Variants in PRKG1 observed in about 807,000 individuals in gnomAD.
The protein encoded by PRKG1 is protein kinase cGMP-dependent 1.
PRKG1 carries 35 observed loss-of-function variants against 88.1 expected under a neutral mutation model. The ratio of observed to expected loss-of-function variants is 0.40; its 90% CI spans 0.30 to 0.53. The LOEUF (loss-of-function observed/expected upper bound fraction) is 0.53. Ranked by LOEUF, PRKG1 falls within the 20% of genes least tolerant of loss-of-function variation. The probability of loss-of-function intolerance (pLI) is 0.59; values close to 1 mark genes in which losing one functional copy is unlikely to be tolerated. For missense variants in PRKG1, 540 were observed against 839.8 expected (o/e 0.64, Z 4.41); for synonymous variants, 303 against 292.5 (o/e 1.04, Z -0.37).
At chr10:51,839,346 C>T (rs2132771205) in intron 4 of PRKG1, among the ~76,000 whole-genome samples, 1 of 152,210 alleles carries the variant, frequency 6.6e-6, no homozygotes, top group East Asian at 1.9e-4. Flanking sequence ...GCGTAGAAGC[C>T]AACAAATAAA....
intron 3 of PRKG1, among the ~76,000 whole-genome samples, chr10:51,744,567 A>G (rs1399754358): frequency 1.3e-5 from 2 of 152,172 alleles, no homozygotes; most frequent in Non-Finnish European, 2.9e-5. Flanking sequence ...GAATAGTGAT[A>G]GTTTTTTATG....
At chr10:52,041,023 G>C (rs922533796) in intron 5 of PRKG1, among the ~76,000 whole-genome samples, 2 of 151,622 alleles carry the variant, frequency 1.3e-5, no homozygotes, top group African/African-American at 4.8e-5. Context: ...ATTTTTAGTA[G>C]AGACGAGGTT....
intron 1 of PRKG1, among the ~76,000 whole-genome samples, chr10:51,087,898 G>A (rs1001708453): frequency 6.6e-6 from 1 of 152,136 alleles, no homozygotes; most frequent in Non-Finnish European, 1.5e-5. Context: ...CCAAGTAGCT[G>A]GAATTACAGG....
At chr10:51,321,994 C>T (rs1177381059) in intron 2 of PRKG1, among the ~76,000 whole-genome samples, 1 of 152,326 alleles carries the variant, frequency 6.6e-6, no homozygotes, top group Non-Finnish European at 1.5e-5. Flanking sequence ...CTCACACAGT[C>T]TTTGTCATCC....
intron 3 of PRKG1, among the ~76,000 whole-genome samples, chr10:51,602,798 A>G (rs1476546182): frequency 6.7e-6 from 1 of 149,816 alleles, no homozygotes; most frequent in Non-Finnish European, 1.5e-5. Flanking sequence ...TCATATATAT[A>G]TTAATTTTCC....
chr10:51,298,825 G>A (rs926739972), intron 2 of PRKG1, among the ~76,000 whole-genome samples: 1 of 152,126 alleles, frequency 6.6e-6, no homozygotes, highest in Non-Finnish European at 1.5e-5. Flanking sequence ...ATAGGGAATT[G>A]GAAGGGAAGT....
intron 2 of PRKG1, among the ~76,000 whole-genome samples, chr10:51,190,142 GTTCATC>G (rs763915202): frequency 1.3e-5 from 2 of 151,902 alleles, no homozygotes; most frequent in Non-Finnish European, 2.9e-5. Context: ...TCTAGAAGTA[GTTCATC>G]TTTTGTTTTT....
At chr10:51,114,448 T>TGTGTGTGG (rs1393069964) in intron 1 of PRKG1, among the ~76,000 whole-genome samples, 1 of 151,824 alleles carries the variant, frequency 6.6e-6, no homozygotes, top group Non-Finnish European at 1.5e-5. Flanking sequence ...TGTGTGTGTG[T>TGTGTGTGG]GTGTGGATGT....
At chr10:51,876,618 G>T (rs187509868) in intron 4 of PRKG1, among the ~76,000 whole-genome samples, 1 of 152,170 alleles carries the variant, frequency 6.6e-6, no homozygotes, top group Non-Finnish European at 1.5e-5. Flanking sequence ...TTCAGCAAAC[G>T]TTGTCAGTGT....
chr10:51,890,705 TGTCA>T (rs1554852814), intron 4 of PRKG1, among the ~76,000 whole-genome samples: 1 of 152,214 alleles, frequency 6.6e-6, no homozygotes, highest in Non-Finnish European at 1.5e-5. Context: ...CCTGTAATCC[TGTCA>T]CTTTGGGAGG....
At chr10:51,244,884 T>A (rs1417991418) in intron 2 of PRKG1, 1 of 151,908 alleles carries the variant, frequency 6.6e-6, no homozygotes, top group South Asian at 2.1e-4. Context: ...TCTTTTTAAC[T>A]GCAAACTTCA....
At position 51,476,932 on chromosome 10, in the gene PRKG1, A is replaced by C. The variant is rs140996212; in HGVS notation, c.592+9096A>C. On this transcript the variant is annotated intron_variant, in intron 3 of 17. Coordinates refer to ENST00000373980, the MANE Select transcript of PRKG1 (RefSeq NM_006258.4). ...TACATGCCGCTTGGCTATGTGTAGA[A>C]TCTCTAACCTTTACAATAGTCCTGC... Among the ~76,000 whole-genome samples the C allele has an allele frequency of 2.9e-3, 436 of 151,806 alleles. 3 individuals are homozygous for C. Among genetic ancestry groups the C allele is most frequent in the African/African-American group, 9.5e-3 (395 of 41,428 alleles).
At chr10:51,176,311 G>A (rs1334948137) in intron 2 of PRKG1, among the ~76,000 whole-genome samples, 1 of 152,068 alleles carries the variant, frequency 6.6e-6, no homozygotes, top group Non-Finnish European at 1.5e-5. Context: ...TTCAAACCCT[G>A]TTCTCTTTGA....
At chr10:51,432,346 C>T (rs1320174085) in intron 2 of PRKG1, among the ~76,000 whole-genome samples, 4 of 152,012 alleles carry the variant, frequency 2.6e-5, no homozygotes, top group Non-Finnish European at 2.9e-5. Flanking sequence ...TCAGATGTTA[C>T]CATCTCTCAT....
At chr10:51,003,553 A>C (rs761842433) in intron 1 of PRKG1, among the ~76,000 whole-genome samples, 2 of 152,258 alleles carry the variant, frequency 1.3e-5, no homozygotes, top group Non-Finnish European at 2.9e-5. Flanking sequence ...ACTTATGAGC[A>C]TACGCTAAAT....
intron 9 of PRKG1, among the ~76,000 whole-genome samples, chr10:52,177,036 A>G (rs958163976): frequency 3.9e-5 from 6 of 152,046 alleles, no homozygotes; most frequent in African/African-American, 1.5e-4. Context: ...TGCTCTGGCT[A>G]GGACTTCCAG....
chr10:52,255,852 A>G (rs1841294748), intron 10 of PRKG1, among the ~76,000 whole-genome samples: 1 of 152,066 alleles, frequency 6.6e-6, no homozygotes, highest in Non-Finnish European at 1.5e-5. Flanking sequence ...ATGTTTATTA[A>G]TAAATATTAT....
chr10:51,411,475 A>T (rs1241271819), intron 2 of PRKG1, among the ~76,000 whole-genome samples: 1 of 152,200 alleles, frequency 6.6e-6, no homozygotes, highest in Non-Finnish European at 1.5e-5. Context: ...TGCTTTTGGT[A>T]TGTGTCAATT....
intron 2 of PRKG1, among the ~76,000 whole-genome samples, chr10:51,377,136 T>C (rs568966359): frequency 1.3e-5 from 2 of 152,304 alleles, no homozygotes; most frequent in South Asian, 4.1e-4. Flanking sequence ...AGAAATCTTA[T>C]TCTCAGTAGT....
Sources: allele counts gnomAD v4.1 joint callset (sites outside exome capture counted in the v4.1 genomes callset), GRCh38; gene constraint gnomAD v4.1.1; transcripts MANE v1.5; gene names NCBI Gene and HGNC (gene_info 2026-07-23, HGNC 2026-07-21).